The following THADA variants were observed in gnomAD, a reference collection of about 807,000 sequenced individuals.
THADA encodes the protein THADA armadillo repeat containing.
Under a neutral mutation model 219.8 loss-of-function variants are expected in THADA, and 213 were observed. The ratio of observed to expected loss-of-function variants is 0.97; its 90% CI spans 0.87 to 1.09. The LOEUF is 1.09. Ranked by LOEUF, THADA falls within the 50% of genes least tolerant of loss-of-function variation. THADA has a pLI of 0.00. For synonymous variants in THADA, 1,018 were observed against 828.9 expected (o/e 1.23, Z -3.92); for missense variants, 2,956 against 2,311.3 (o/e 1.28, Z -5.72).
At chr2:43,402,839 C>T (rs1012523655) in intron 28 of THADA, among the ~76,000 whole-genome samples, 1 of 152,246 alleles carries the variant, frequency 6.6e-6, no homozygotes, top group Admixed American at 6.5e-5. Context: ...GTGATCATGC[C>T]CAGCTCTGCC....
chr2:43,556,070 AC>A (rs1697301849), intron 17 of THADA: 1 of 697,912 alleles, frequency 1.4e-6, no homozygotes, highest in Non-Finnish European at 1.9e-6. Flanking sequence ...AAAAAAGCAC[AC>A]TTTTGGTGGA....
intron 26 of THADA, among the ~76,000 whole-genome samples, chr2:43,442,211 G>A (rs747792860): frequency 2.0e-5 from 3 of 152,112 alleles, no homozygotes; most frequent in Non-Finnish European, 4.4e-5. Flanking sequence ...CGAGGTGGGC[G>A]GATCCCTTGA....
intron 29 of THADA, among the ~76,000 whole-genome samples, chr2:43,389,590 C>T (rs1202646516): frequency 6.6e-6 from 1 of 152,208 alleles, no homozygotes; most frequent in African/African-American, 2.4e-5. Context: ...CTGCTTGGCC[C>T]GGCATTTGTG....
chr2:43,278,875 G>A (rs113760679), intron 36 of THADA, among the ~76,000 whole-genome samples: 1 of 152,146 alleles, frequency 6.6e-6, no homozygotes, highest in African/African-American at 2.4e-5. Flanking sequence ...CTCTCATTCT[G>A]CTGTCTATTA....
intron 31 of THADA, among the ~76,000 whole-genome samples, chr2:43,300,799 A>T (rs992394510): frequency 2.0e-5 from 3 of 152,110 alleles, no homozygotes; most frequent in African/African-American, 7.2e-5. Flanking sequence ...GCTTGGAAAA[A>T]ATATTCTGTT....
At chr2:43,478,175 G>A (rs920588717) in intron 26 of THADA, among the ~76,000 whole-genome samples, 1 of 152,210 alleles carries the variant, frequency 6.6e-6, no homozygotes, top group Non-Finnish European at 1.5e-5. Flanking sequence ...TCCATAAGGA[G>A]TATTCAATGA....
At chr2:43,252,200 ACC>A (rs1263350966) in intron 36 of THADA, among the ~76,000 whole-genome samples, 1 of 152,094 alleles carries the variant, frequency 6.6e-6, no homozygotes, top group Non-Finnish European at 1.5e-5. Flanking sequence ...ATTTGCTTTC[ACC>A]ATTTTTCAAC....
At chr2:43,566,535 C>T (rs1698699832) in intron 15 of THADA, 163 bp downstream of exon 15, 5 of 816,068 alleles carry the variant, frequency 6.1e-6, no homozygotes, top group Non-Finnish European at 1.1e-5. Flanking sequence ...CCTCTTCTGT[C>T]CTTTACTAGC....
chr2:43,295,380 T>C (rs1157962048), intron 31 of THADA, among the ~76,000 whole-genome samples: 1 of 152,258 alleles, frequency 6.6e-6, no homozygotes, highest in African/African-American at 2.4e-5. Flanking sequence ...CACTAATTCA[T>C]TAACTAGCCC....
intron 19 of THADA, among the ~76,000 whole-genome samples, chr2:43,551,063 A>G (rs1466294330): frequency 6.6e-6 from 1 of 152,254 alleles, no homozygotes; most frequent in African/African-American, 2.4e-5. Context: ...TTTTTAGGAA[A>G]GAACAAAACC....
intron 22 of THADA, among the ~76,000 whole-genome samples, chr2:43,521,982 C>G (rs967035708): frequency 4.6e-5 from 7 of 152,178 alleles, no homozygotes; most frequent in Non-Finnish European, 7.3e-5. Flanking sequence ...ATGTCACCTT[C>G]ATTTCCTCAA....
chr2:43,533,571 T>G (rs867610722), intron 21 of THADA, among the ~76,000 whole-genome samples: 2 of 152,148 alleles, frequency 1.3e-5, no homozygotes, highest in African/African-American at 4.8e-5. Context: ...AAAAAAAGAA[T>G]GAGTTCATGT....
intron 30 of THADA, among the ~76,000 whole-genome samples, chr2:43,323,166 G>A (rs950020239): frequency 6.6e-6 from 1 of 151,940 alleles, no homozygotes; most frequent in Non-Finnish European, 1.5e-5. Context: ...TTCTGAGACA[G>A]GGTCTTTCTC....
chr2:43,445,360 A>T (rs7609256), intron 26 of THADA, among the ~76,000 whole-genome samples: 7 of 152,148 alleles, frequency 4.6e-5, no homozygotes, highest in Admixed American at 2.0e-4. Context: ...GAATCCTCTC[A>T]GATTCTGTTC....
At chr2:43,559,113 T>G (rs926835954) in intron 16 of THADA, among the ~76,000 whole-genome samples, 1 of 152,124 alleles carries the variant, frequency 6.6e-6, no homozygotes, top group African/African-American at 2.4e-5. Flanking sequence ...TGAGGTGACA[T>G]GTGATGAATG....
chr2:43,388,936 C>T lies in THADA; in HGVS notation c.4227+9035G>A, dbSNP rs534662138. On this transcript the variant is annotated intron_variant, in intron 29 of 37. Transcript: ENST00000405975. ...TGATTCTTACATTTTTAATCATAAC[C>T]CCCTCACCCCCCGCCCGTAGCAGTG... Among the ~76,000 whole-genome samples, 3 of 152,210 alleles carry T rather than the reference C, an allele frequency of 2.0e-5. No homozygotes were observed. In the South Asian group the frequency reaches 6.2e-4, roughly 32 times the overall value.
intron 31 of THADA, among the ~76,000 whole-genome samples, chr2:43,313,185 C>T (rs2104443438): frequency 6.6e-6 from 1 of 152,272 alleles, no homozygotes. Flanking sequence ...ATTTAAGCAT[C>T]ATCAACATCT....
At chr2:43,289,959 G>GTTTT (rs1024500166) in intron 34 of THADA, among the ~76,000 whole-genome samples, 1 of 129,526 alleles carries the variant, frequency 7.7e-6, no homozygotes, top group African/African-American at 2.9e-5. Context: ...CGGCCCTGGT[G>GTTTT]TTTTTTTTTT....
chr2:43,392,693 C>G (rs1673534977), intron 29 of THADA, among the ~76,000 whole-genome samples: 1 of 152,020 alleles, frequency 6.6e-6, no homozygotes, highest in South Asian at 2.1e-4. Context: ...GCTCCAGACT[C>G]AAGCAGAAAT....
Sources: gnomAD v4.1 joint callset for allele counts (sites outside exome capture counted in the v4.1 genomes callset) on GRCh38, gnomAD v4.1.1 for gene constraint, MANE v1.5 for transcripts, NCBI Gene and HGNC (gene_info 2026-07-23, HGNC 2026-07-21) for gene names.